The following PAIP2 variants were observed in gnomAD, a reference collection of about 807,000 sequenced individuals.
The protein encoded by PAIP2 is polyadenylate-binding protein-interacting protein 2.
PAIP2 carries 7 observed loss-of-function variants against 14.8 expected under a neutral mutation model. That is an observed-to-expected ratio of 0.47 (90% CI 0.27 to 0.89). The LOEUF is 0.89. PAIP2 is among the 40% of genes least tolerant of loss of function. The pLI is 0.13. For missense variants in PAIP2, 122 were observed against 154.7 expected, an observed-to-expected ratio of 0.79 and a Z score of 1.12; for synonymous variants, 47 against 45.3, an observed-to-expected ratio of 1.04 and a Z score of -0.15.
chr5:139,358,500 A>G (rs1288428106), intron 1 of PAIP2, among the ~76,000 whole-genome samples: 1 of 152,326 alleles, frequency 6.6e-6, no homozygotes, highest in Middle Eastern at 3.4e-3. Flanking sequence ...AAGACTGACT[A>G]GCATTGAACA....
At chr5:139,354,813 C>T (rs755135712) in intron 1 of PAIP2, among the ~76,000 whole-genome samples, 53 of 150,206 alleles carry the variant, frequency 3.5e-4, no homozygotes, top group Non-Finnish European at 7.1e-4. Context: ...TTTTTCATTT[C>T]AGTTGTACCT....
intron 1 of PAIP2, among the ~76,000 whole-genome samples, chr5:139,359,157 CAG>C (rs1436662318): frequency 3.3e-5 from 5 of 151,986 alleles, no homozygotes. Context: ...TTGTTTGAGA[CAG>C]AGTCTTACTC....
chr5:139,369,003 C>A lies in PAIP2; in HGVS notation c.*205C>A, dbSNP rs938770339. 4.6e-5 allele frequency: 21 copies of A among 458,372 alleles called. No individual in the cohort carries two copies. Among genetic ancestry groups the A allele is most frequent in the Middle Eastern group, 5.1e-4 (1 of 1,978 alleles). The allele number at this position is 458,372 out of a possible 1,614,324, so 28.4% of individuals were successfully genotyped here. ...AACATTTACTGAAAATAGAATTGGC[C>A]CCATGGCTTGATGTGAAGACAGCAA... On this transcript the variant is annotated 3_prime_UTR_variant, in exon 4 of 4. Transcript: ENST00000265192.
At chr5:139,360,651 C>T (rs1252334640) in intron 1 of PAIP2, among the ~76,000 whole-genome samples, 1 of 152,096 alleles carries the variant, frequency 6.6e-6, no homozygotes, top group Non-Finnish European at 1.5e-5. Context: ...CACCACTGTA[C>T]CCAGCTTTGC....
intron 1 of PAIP2, among the ~76,000 whole-genome samples, chr5:139,358,814 A>C (rs999991100): frequency 6.6e-6 from 1 of 152,172 alleles, no homozygotes; most frequent in Non-Finnish European, 1.5e-5. Context: ...GAATAGGCAA[A>C]TCTATAGAGA....
At chr5:139,364,774 C>G in intron 3 of PAIP2, 31 bp downstream of exon 3, 1 of 1,423,444 alleles carries the variant, frequency 7.0e-7, no homozygotes, top group Non-Finnish European at 9.8e-7. Context: ...TTTTTAAAAC[C>G]TAGTGCATCT....
intron 1 of PAIP2, among the ~76,000 whole-genome samples, chr5:139,358,954 C>T (rs1756994006): frequency 6.6e-6 from 1 of 152,078 alleles, no homozygotes; most frequent in Non-Finnish European, 1.5e-5. Flanking sequence ...GTGTTAAAAC[C>T]ACTGAATCAA....
intron 1 of PAIP2, 29 bp from the exon 2 acceptor site, chr5:139,363,730 T>G (rs2152054734): frequency 1.3e-6 from 2 of 1,592,498 alleles, no homozygotes; most frequent in South Asian, 2.3e-5. Context: ...AATGAGTAAG[T>G]AAATTAACTG....
intron 3 of PAIP2, among the ~76,000 whole-genome samples, chr5:139,366,085 C>G (rs553262339): frequency 6.6e-6 from 1 of 150,966 alleles, no homozygotes; most frequent in South Asian, 2.2e-4. Context: ...TGCCTGTAAT[C>G]CCAGCTACCT....
intron 3 of PAIP2, among the ~76,000 whole-genome samples, chr5:139,366,621 G>A (rs570917476): frequency 3.5e-4 from 53 of 152,304 alleles, no homozygotes; most frequent in African/African-American, 1.1e-3. Flanking sequence ...CAGTTGCCCT[G>A]CAGAGTAACA....
chr5:139,354,210 T>C (rs1446627915), intron 1 of PAIP2, among the ~76,000 whole-genome samples: 1 of 152,232 alleles, frequency 6.6e-6, no homozygotes. Flanking sequence ...AGGACAGGTC[T>C]ACTAGTGACA....
intron 1 of PAIP2, among the ~76,000 whole-genome samples, chr5:139,356,321 C>A (rs1002822915): frequency 6.6e-6 from 1 of 151,426 alleles, no homozygotes; most frequent in African/African-American, 2.4e-5. Context: ...TGGCATGCAC[C>A]TGTAATCCCA....
intron 3 of PAIP2, 96 bp downstream of exon 3, chr5:139,364,839 C>A: frequency 1.2e-6 from 1 of 808,372 alleles, no homozygotes; most frequent in South Asian, 1.8e-5. Flanking sequence ...ACATCTCTTT[C>A]CCCTTCAGAA....
At chr5:139,349,433 G>T (rs1284773008) in intron 1 of PAIP2, among the ~76,000 whole-genome samples, 1 of 151,918 alleles carries the variant, frequency 6.6e-6, no homozygotes, top group Non-Finnish European at 1.5e-5. Flanking sequence ...ATTTTTAGTA[G>T]ATACCGGGTT....
chr5:139,359,163 C>A (rs1197346457), intron 1 of PAIP2, among the ~76,000 whole-genome samples: 1 of 151,978 alleles, frequency 6.6e-6, no homozygotes, highest in Non-Finnish European at 1.5e-5. Context: ...GAGACAGAGT[C>A]TTACTCTGTC....
At position 139,369,421 on chromosome 5, in the gene PAIP2, G is replaced by C. The variant is rs1757511075; in HGVS notation, c.*623G>C. ...AATTGTAACTTCTAAGGGATTCACT[G>C]CATCATAGCTATGCCTGTATGGAGT... On this transcript the variant is annotated 3_prime_UTR_variant, in exon 4 of 4. Coordinates refer to ENST00000265192, the MANE Select transcript of PAIP2 (RefSeq NM_016480.5). 1 of 152,678 alleles carries C rather than the reference G, an allele frequency of 6.5e-6. No individual in the cohort carries two copies. 9.5% of individuals were successfully genotyped at this position (152,678 alleles called of 1,614,324 possible).
At chr5:139,352,791 G>T (rs533112452) in intron 1 of PAIP2, among the ~76,000 whole-genome samples, 1 of 151,710 alleles carries the variant, frequency 6.6e-6, no homozygotes, top group South Asian at 2.1e-4. Context: ...TTTTATAGTG[G>T]GTCAGAATGA....
chr5:139,354,246 G>T (rs976536841), intron 1 of PAIP2, among the ~76,000 whole-genome samples: 5 of 152,020 alleles, frequency 3.3e-5, no homozygotes, highest in Admixed American at 6.6e-5. Flanking sequence ...TTCTTATCTG[G>T]CAGTGACTTA....
chr5:139,346,505 G>A (rs1399219237), intron 1 of PAIP2, among the ~76,000 whole-genome samples: 1 of 151,714 alleles, frequency 6.6e-6, no homozygotes, highest in Non-Finnish European at 1.5e-5. Flanking sequence ...CAAAGTGTTG[G>A]GATTACAGGC....
Sources: gnomAD v4.1 joint callset for allele counts (sites outside exome capture counted in the v4.1 genomes callset) on GRCh38, gnomAD v4.1.1 for gene constraint, MANE v1.5 for transcripts, NCBI Gene and HGNC (gene_info 2026-07-23, HGNC 2026-07-21) for gene names.